PIK3C3: variants seen among roughly 807,000 people sequenced by gnomAD.
PIK3C3 encodes PI3-kinase type 3.
A neutral mutation model predicts 126.1 loss-of-function variants in PIK3C3; 95 were observed. The observed-to-expected ratio is 0.75, with a 90% confidence interval of 0.64 to 0.89. The LOEUF (loss-of-function observed/expected upper bound fraction) is 0.89, where lower values mean the gene tolerates loss of function less well. Ranked by LOEUF, PIK3C3 falls within the 40% of genes least tolerant of loss-of-function variation. PIK3C3 has a pLI of 0.00. For missense variants in PIK3C3, 829 were observed against 1,063.2 expected (o/e 0.78, Z 3.06); for synonymous variants, 374 against 360.0 (o/e 1.04, Z -0.44).
At chr18:42,028,249 A>G (rs901748267) in intron 14 of PIK3C3, among the ~76,000 whole-genome samples, 2 of 152,090 alleles carry the variant, frequency 1.3e-5, no homozygotes, top group Admixed American at 6.5e-5. Context: ...TTGCTTTTTT[A>G]TTTTCCTTTC....
chr18:42,021,373 T>A (rs1212168605), intron 13 of PIK3C3, among the ~76,000 whole-genome samples: 2 of 152,178 alleles, frequency 1.3e-5, no homozygotes, highest in Non-Finnish European at 2.9e-5. Flanking sequence ...TGGTGCCCTT[T>A]ATTTGCCCCA....
At chr18:41,972,870 TG>T (rs1980737215) in intron 4 of PIK3C3, among the ~76,000 whole-genome samples, 1 of 152,070 alleles carries the variant, frequency 6.6e-6, no homozygotes, top group Admixed American at 6.6e-5. Flanking sequence ...ATATCCCAGC[TG>T]CTATTGAAGA....
chr18:42,032,156 C>G (rs1277717930), intron 15 of PIK3C3, among the ~76,000 whole-genome samples: 1 of 152,176 alleles, frequency 6.6e-6, no homozygotes, highest in Non-Finnish European at 1.5e-5. Context: ...AGCCGGTCTT[C>G]TGGAGAAGAT....
chr18:42,055,201 G>T (rs1329436763), intron 21 of PIK3C3, among the ~76,000 whole-genome samples: 1 of 151,958 alleles, frequency 6.6e-6, no homozygotes, highest in African/African-American at 2.4e-5. Flanking sequence ...AAAGCTGGTT[G>T]TTAAAAAAGA....
chr18:41,978,652 A>G (rs1203725416), intron 4 of PIK3C3, among the ~76,000 whole-genome samples: 3 of 152,186 alleles, frequency 2.0e-5, no homozygotes, highest in Non-Finnish European at 4.4e-5. Context: ...TGTGTTAGAC[A>G]CTGAATTGAT....
intron 4 of PIK3C3, among the ~76,000 whole-genome samples, chr18:41,977,490 A>C (rs1980982506): frequency 6.6e-6 from 1 of 151,754 alleles, no homozygotes; most frequent in Admixed American, 6.6e-5. Context: ...GGCTATATAG[A>C]TATATGTGTA....
rs17661356 is a variant in PIK3C3 at position 41,966,079 on chromosome 18, G to A, written c.401+3447G>A. Among the ~76,000 whole-genome samples the A allele has an allele frequency of 1.9e-3, 296 of 151,798 alleles. 1 individual carries two copies. The highest frequency in any genetic ancestry group is 6.5e-3 in the African/African-American group (269 of 41,352). On this transcript the variant is annotated intron_variant, in intron 3 of 24. Transcript: ENST00000262039. ...CCTGTTAGAGAGAAGCACTGATTGC[G>A]TGAAATTATCTCACTTAGAGCTTGA...
At chr18:42,078,383 C>CAAA (rs60269462) in intron 24 of PIK3C3, among the ~76,000 whole-genome samples, 4 of 72,830 alleles carry the variant, frequency 5.5e-5, no homozygotes, top group Non-Finnish European at 1.1e-4. Flanking sequence ...GACTCTGTCT[C>CAAA]AAAAAAAAAA....
intron 3 of PIK3C3, among the ~76,000 whole-genome samples, chr18:41,965,095 T>C (rs894096069): frequency 2.0e-5 from 3 of 152,234 alleles, no homozygotes; most frequent in African/African-American, 7.2e-5. Flanking sequence ...TTACCCCTTA[T>C]TTTTTGTTAC....
chr18:41,964,412 T>G (rs900022428), intron 3 of PIK3C3, among the ~76,000 whole-genome samples: 4 of 152,130 alleles, frequency 2.6e-5, no homozygotes, highest in African/African-American at 9.7e-5. Context: ...TTTAATCTTA[T>G]GCCTCAATGT....
chr18:41,973,148 C>G (rs1451526645), intron 4 of PIK3C3, among the ~76,000 whole-genome samples: 1 of 152,016 alleles, frequency 6.6e-6, no homozygotes, highest in Non-Finnish European at 1.5e-5. Context: ...TATTATCTTA[C>G]TAGGGAATAA....
intron 16 of PIK3C3, among the ~76,000 whole-genome samples, chr18:42,035,516 AC>A (rs1251051011): frequency 6.6e-6 from 1 of 152,088 alleles, no homozygotes; most frequent in African/African-American, 2.4e-5. Context: ...AATCTTTTTG[AC>A]CTCAGTATTC....
intron 4 of PIK3C3, among the ~76,000 whole-genome samples, chr18:41,976,908 A>G (rs939852033): frequency 6.6e-6 from 1 of 152,226 alleles, no homozygotes; most frequent in Admixed American, 6.5e-5. Flanking sequence ...ACCAGCACCT[A>G]AAACCACGTC....
At chr18:42,037,402 T>TA (rs1227504324) in intron 16 of PIK3C3, among the ~76,000 whole-genome samples, 2 of 152,154 alleles carry the variant, frequency 1.3e-5, no homozygotes, top group Non-Finnish European at 2.9e-5. Context: ...GGAAACAAGT[T>TA]AAAGGATATG....
intron 24 of PIK3C3, among the ~76,000 whole-genome samples, chr18:42,074,637 C>T (rs78523480): frequency 0.014 from 2,100 of 152,142 alleles, 53 homozygotes; most frequent in African/African-American, 0.048. Flanking sequence ...TACTAGTACT[C>T]GTATGTTAAA....
intron 2 of PIK3C3, among the ~76,000 whole-genome samples, chr18:41,960,819 T>A (rs1980043117): frequency 6.6e-6 from 1 of 151,926 alleles, no homozygotes; most frequent in African/African-American, 2.4e-5. Flanking sequence ...CTTGGCTCAC[T>A]GCAGTCTTCA....
In PIK3C3 at chr18:42,015,529, C is replaced by G; in HGVS notation, c.1379C>G (p.Ser460Ter). The G allele has an allele frequency of 1.9e-6, 3 of 1,613,718 alleles. No homozygotes were observed. Among genetic ancestry groups the G allele is most frequent in the Non-Finnish European group, 2.5e-6 (3 of 1,179,830 alleles). Reference sequence around the variant, plus strand: ...TCAGTCTCTTCACCTCCTCCTGCATCAAAAACAAAAGAAGTTCCAGATGGC... The same window carrying G: ...TCAGTCTCTTCACCTCCTCCTGCATGAAAAACAAAAGAAGTTCCAGATGGC... ...LPSVSSPPPASKTKEVPDGEN... is the reference protein window; with the variant it reads ...LPSVSSPPPA The change falls in exon 12 of 25, where the codon TCA (serine) becomes TGA (stop). Residue 460 changes from serine (S) to a stop codon, truncating the protein, a stop_gained. Transcript: ENST00000262039. LOFTEE classifies it high-confidence loss of function.
At chr18:42,034,764 G>T (rs1983974364) in intron 16 of PIK3C3, among the ~76,000 whole-genome samples, 2 of 152,178 alleles carry the variant, frequency 1.3e-5, no homozygotes, top group Admixed American at 1.3e-4. Context: ...TGTGATTCTA[G>T]TGGTAGAAAG....
chr18:41,997,450 T>C (rs909723796), intron 9 of PIK3C3, among the ~76,000 whole-genome samples: 1 of 152,114 alleles, frequency 6.6e-6, no homozygotes, highest in Non-Finnish European at 1.5e-5. Context: ...TCTTGAGTCT[T>C]ACTGTTGCCC....
Sources: gnomAD v4.1 joint callset for allele counts (sites outside exome capture counted in the v4.1 genomes callset) on GRCh38, gnomAD v4.1.1 for gene constraint, MANE v1.5 for transcripts, NCBI Gene and HGNC (gene_info 2026-07-23, HGNC 2026-07-21) for gene names.